Variants in LDLRAD4 observed in about 807,000 individuals in gnomAD.
The protein encoded by LDLRAD4 is low density lipoprotein receptor class A domain containing 4, also known as low-density lipoprotein receptor class A domain-containing protein 4.
LDLRAD4 carries 5 observed loss-of-function variants against 17.0 expected under a neutral mutation model. The observed-to-expected ratio is 0.29, with a 90% confidence interval of 0.15 to 0.62. LDLRAD4 has a LOEUF of 0.62. Among genes scored for constraint, LDLRAD4 ranks in the 20% least tolerant of loss-of-function variants. The pLI, the probability that LDLRAD4 is intolerant of heterozygous loss-of-function variation, is 0.84. For synonymous variants in LDLRAD4, 168 were observed against 171.8 expected (o/e 0.98, Z 0.17); for missense variants, 340 against 424.7 (o/e 0.80, Z 1.75).
chr18:13,416,676 CA>C (rs1323600754), intron 2 of LDLRAD4, among the ~76,000 whole-genome samples: 1 of 152,104 alleles, frequency 6.6e-6, no homozygotes, highest in Non-Finnish European at 1.5e-5. Flanking sequence ...TTTATTTATT[CA>C]ACAAAATTTT....
At chr18:13,527,086 AC>A in intron 3 of LDLRAD4, among the ~76,000 whole-genome samples, 1 of 152,370 alleles carries the variant, frequency 6.6e-6, no homozygotes, top group South Asian at 2.1e-4. Context: ...AGTGATGCTG[AC>A]TGGGCTGGAA....
intron 4 of LDLRAD4, chr18:13,642,156 TC>T: frequency 1.0e-6 from 1 of 985,398 alleles, no homozygotes. Context: ...TTCCAGGATG[TC>T]CCCGAGTATC....
At chr18:13,513,068 G>T (rs1262603630) in intron 3 of LDLRAD4, among the ~76,000 whole-genome samples, 1 of 152,178 alleles carries the variant, frequency 6.6e-6, no homozygotes, top group Non-Finnish European at 1.5e-5. Flanking sequence ...TGCCCAGAGG[G>T]CCAGCACCAG....
chr18:13,262,911 T>C (rs1440033449), intron 1 of LDLRAD4, among the ~76,000 whole-genome samples: 1 of 101,912 alleles, frequency 9.8e-6, no homozygotes, highest in African/African-American at 4.0e-5. Context: ...CGTGCGGCCC[T>C]GTGCGTGGGG....
chr18:13,468,741 A>G (rs911168706), intron 3 of LDLRAD4, among the ~76,000 whole-genome samples: 8 of 151,630 alleles, frequency 5.3e-5, no homozygotes, highest in African/African-American at 1.9e-4. Flanking sequence ...TCAGCAAACT[A>G]TTGCAAGGAC....
intron 2 of LDLRAD4, among the ~76,000 whole-genome samples, chr18:13,434,474 A>G (rs1032123875): frequency 2.0e-5 from 3 of 152,222 alleles, no homozygotes; most frequent in Non-Finnish European, 4.4e-5. Flanking sequence ...TGTCACCAAA[A>G]TGTTTCTAAT....
intron 3 of LDLRAD4, among the ~76,000 whole-genome samples, chr18:13,607,319 A>C (rs1246796187): frequency 6.6e-6 from 1 of 152,236 alleles, no homozygotes; most frequent in African/African-American, 2.4e-5. Flanking sequence ...TATAAGAGAT[A>C]TATAGTGCTT....
chr18:13,517,668 A>G (rs7241010), intron 3 of LDLRAD4, among the ~76,000 whole-genome samples: 48,014 of 152,082 alleles, frequency 0.32, 8,068 homozygotes, highest in Middle Eastern at 0.51. Context: ...GTGGGAGAAT[A>G]TTTCGCTCTA....
chr18:13,233,961 G>T (rs544108078), intron 1 of LDLRAD4, among the ~76,000 whole-genome samples: 2 of 152,058 alleles, frequency 1.3e-5, no homozygotes, highest in African/African-American at 4.8e-5. Context: ...TTGTCTGCCC[G>T]TGGTTCAGGC....
chr18:13,543,951 C>T (rs1031351801), intron 3 of LDLRAD4, among the ~76,000 whole-genome samples: 1 of 152,198 alleles, frequency 6.6e-6, no homozygotes, highest in South Asian at 2.1e-4. Context: ...AGTATGTACC[C>T]GGGGATACCA....
intron 1 of LDLRAD4, among the ~76,000 whole-genome samples, chr18:13,259,042 G>A (rs928433222): frequency 5.3e-5 from 8 of 152,230 alleles, no homozygotes; most frequent in African/African-American, 1.9e-4. Flanking sequence ...CATTCGGGAT[G>A]ACTGAGTATT....
At chr18:13,298,173 C>T (rs2046374339) in intron 1 of LDLRAD4, among the ~76,000 whole-genome samples, 1 of 152,236 alleles carries the variant, frequency 6.6e-6, no homozygotes, top group African/African-American at 2.4e-5. Flanking sequence ...GGGTGGGGAT[C>T]AGTGTTTAGA....
intron 2 of LDLRAD4, among the ~76,000 whole-genome samples, chr18:13,437,596 A>G (rs938615829): frequency 2.0e-5 from 3 of 152,146 alleles, no homozygotes; most frequent in African/African-American, 4.8e-5. Flanking sequence ...CCCTATTTTT[A>G]TAGTTCACCA....
intron 1 of LDLRAD4, among the ~76,000 whole-genome samples, chr18:13,226,710 G>GAATAA (rs60378544): frequency 0.36 from 49,962 of 139,288 alleles, 9,544 homozygotes; most frequent in East Asian, 0.54. Flanking sequence ...TTTAAAATTT[G>GAATAA]AATAAAATAA....
intron 1 of LDLRAD4, among the ~76,000 whole-genome samples, chr18:13,360,884 C>T (rs2083623510): frequency 6.6e-6 from 1 of 152,190 alleles, no homozygotes; most frequent in African/African-American, 2.4e-5. Context: ...TTTTCTGTCC[C>T]TTTTCTCCCC....
At chr18:13,455,592 C>T (rs1336097728) in intron 3 of LDLRAD4, among the ~76,000 whole-genome samples, 3 of 152,130 alleles carry the variant, frequency 2.0e-5, no homozygotes, top group Non-Finnish European at 2.9e-5. Flanking sequence ...GTCATTCCCT[C>T]TGATGAGCTG....
chr18:13,310,255 T>G (rs1599308907), intron 1 of LDLRAD4, among the ~76,000 whole-genome samples: 1 of 145,352 alleles, frequency 6.9e-6, no homozygotes, highest in African/African-American at 2.5e-5. Context: ...GAGGCTGAGG[T>G]GGGAGGATCA....
chr18:13,471,941 T>C (rs1177377197), intron 3 of LDLRAD4: 1 of 152,246 alleles, frequency 6.6e-6, no homozygotes, highest in Non-Finnish European at 1.5e-5. Context: ...CACAATCTTA[T>C]AAGGGGAAGT....
chr18:13,643,351 T>C lies in LDLRAD4; in HGVS notation c.337-8T>C. 2 of 1,463,902 alleles carry C rather than the reference T, an allele frequency of 1.4e-6. No individual in the cohort carries two copies. The highest frequency in any genetic ancestry group is 2.4e-5 in the Admixed American group (1 of 41,748). The allele number at this position is 1,463,902 out of a possible 1,614,324, so 90.7% of individuals were successfully genotyped here. On this transcript the variant is annotated splice_polypyrimidine_tract_variant and splice_region_variant and intron_variant, in intron 4 of 5. Transcript: ENST00000359446. The stretch of plus-strand genomic sequence containing the variant: ...TCCCCCCACTCTCCTCCCCTTCCCC[T>C]CCGCCAGGAAGGGTGCCTGTGGCCT...
Sources: gnomAD v4.1 joint callset for allele counts (sites outside exome capture counted in the v4.1 genomes callset) on GRCh38, gnomAD v4.1.1 for gene constraint, MANE v1.5 for transcripts, NCBI Gene and HGNC (gene_info 2026-07-23, HGNC 2026-07-21) for gene names.